LIX1L: variants seen among roughly 807,000 people sequenced by gnomAD.
The protein encoded by LIX1L is limb and CNS expressed 1 like, also known as LIX1-like protein.
Under a neutral mutation model 34.0 loss-of-function variants are expected in LIX1L, and 20 were observed. The observed-to-expected ratio is 0.59, with a 90% CI of 0.41 to 0.85. The LOEUF (loss-of-function observed/expected upper bound fraction) is 0.85, where lower values mean the gene tolerates loss of function less well. LIX1L is among the 40% of genes least tolerant of loss of function. The pLI, the probability that LIX1L is intolerant of heterozygous loss-of-function variation, is 0.00. For synonymous variants in LIX1L, 170 were observed against 187.4 expected (o/e 0.91, Z 0.76); for missense variants, 397 against 447.0 (o/e 0.89, Z 1.01).
chr1:145,947,674 G>A lies in LIX1L; in HGVS notation c.401C>T (p.Pro134Leu), dbSNP rs1032218687. ...VVYEMVPSNS[P>L]PYVCYVTLPG... ...CAGGGTGACATAGCAGACATAAGGA[G>A]GGCTGTTGGAGGGAACCATCTCATA... is the stretch of plus-strand genomic sequence containing the variant. The change falls in exon 2 of 6, where the codon CCT (proline) becomes CTT (leucine). Residue 134 changes from proline (P) to leucine (L), a missense_variant. By Grantham distance (98) the Pro-to-Leu change is moderately conservative (BLOSUM62 -3). Coordinates refer to ENST00000604000, the MANE Select transcript of LIX1L (RefSeq NM_153713.3). 2 of 1,614,122 alleles carry A rather than the reference G, an allele frequency of 1.2e-6. No individual in the cohort carries two copies. The highest frequency in any genetic ancestry group is 1.7e-6 in the Non-Finnish European group (2 of 1,180,020).
At chr1:145,939,697 A>C (rs587733916) in intron 3 of LIX1L, 4 of 135,346 alleles carry the variant, frequency 3.0e-5, no homozygotes, top group Admixed American at 2.5e-4. Context: ...GGAGTGCAGT[A>C]GTGCAATCTT....
rs12726182 is a variant in LIX1L at position 145,953,714 on chromosome 1, C to T, written c.292+3922G>A. On this transcript the variant is annotated intron_variant, in intron 1 of 5. Transcript: ENST00000604000. Reference sequence around the variant, plus strand: ...AAATGATCTGAGATGGGGAGATGACCTAGATTATATAGGTGGGCCCTAAGT... The same window carrying T: ...AAATGATCTGAGATGGGGAGATGACTTAGATTATATAGGTGGGCCCTAAGT... 6.7e-3 allele frequency among the ~76,000 whole-genome samples: 1,013 copies of T among 152,130 alleles called. 2 individuals carry two copies. The highest frequency in any genetic ancestry group is 8.4e-3 in the Non-Finnish European group (568 of 67,994).
chr1:145,941,615 G>T (rs1648920592), intron 3 of LIX1L, among the ~76,000 whole-genome samples: 1 of 152,094 alleles, frequency 6.6e-6, no homozygotes, highest in South Asian at 2.1e-4. Flanking sequence ...TAATGAATTT[G>T]TGGAGAGGAA....
rs782183210 is a variant in LIX1L, at chr1:145,936,330, T to C, written c.994A>G (p.Met332Val). 2 of 1,614,120 alleles carry C rather than the reference T, an allele frequency of 1.2e-6. No individual in the cohort carries two copies. The highest frequency in any genetic ancestry group is 1.1e-5 in the South Asian group (1 of 91,080). The change falls in exon 6 of 6, where the codon ATG becomes GTG. Residue 332 changes from methionine (M) to valine (V), a missense_variant. By Grantham distance (21) the Met-to-Val change is conservative (BLOSUM62 1). Around this residue, in one of 3 missense-constraint regions of LIX1L, gnomAD observed 174 missense variants for 204.0 expected, o/e 0.85. Transcript: ENST00000604000. ...GATGCCTAGCAGTTGGAAGAATGCATATTGCCCAACTGCCCAGCAGCCAGC... is the reference window on the plus strand; with the variant it reads ...GATGCCTAGCAGTTGGAAGAATGCACATTGCCCAACTGCCCAGCAGCCAGC... The part of the protein sequence containing the change: ...LVLAAGQLGN[M>V]HSSNC
rs932615604 is a variant in LIX1L, at chr1:145,948,839, A to G, written c.293-1057T>C. ...GATGAGGTACTACCTTCACTCAGAT[A>G]AAGAACTTGCTTGCTTCAGCTTGTT... On this transcript the variant is annotated intron_variant, in intron 1 of 5. Transcript: ENST00000604000. The surrounding 1 kb of genome is among the most constrained non-coding windows in gnomAD (Gnocchi z 4.0). The G allele has an allele frequency of 3.3e-5, 5 of 152,218 alleles. No individual in the cohort carries two copies. The highest frequency in any genetic ancestry group is 1.2e-4 in the African/African-American group (5 of 41,452). The allele number at this position is 152,218 out of a possible 1,614,324, so 9.4% of individuals were successfully genotyped here.
intron 1 of LIX1L, among the ~76,000 whole-genome samples, chr1:145,949,218 G>T (rs754623615): frequency 6.6e-6 from 1 of 152,180 alleles, no homozygotes; most frequent in African/African-American, 2.4e-5. Flanking sequence ...GAGGGAAAGA[G>T]ATATTAACCA....
intron 1 of LIX1L, among the ~76,000 whole-genome samples, chr1:145,954,563 G>C: frequency 6.6e-6 from 1 of 152,312 alleles, no homozygotes; most frequent in South Asian, 2.1e-4. Flanking sequence ...AACATAAAAG[G>C]ATAGCAATAC....
chr1:145,940,012 G>A (rs11579755), intron 3 of LIX1L: 2,646 of 151,828 alleles, frequency 0.017, 42 homozygotes, highest in Non-Finnish European at 0.031. Flanking sequence ...TGTCACCCAA[G>A]CTGGAATGCA....
chr1:145,947,872 A>G, intron 1 of LIX1L, 90 bp from the exon 2 acceptor site: 2 of 1,157,898 alleles, frequency 1.7e-6, no homozygotes, highest in Admixed American at 1.9e-5. Context: ...ACCTGTACCT[A>G]CATTAAGAGT....
At chr1:145,937,738 AC>A in intron 3 of LIX1L, 39 bp from the exon 4 acceptor site, 1 of 1,240,560 alleles carries the variant, frequency 8.1e-7, no homozygotes, top group Non-Finnish European at 1.2e-6. Context: ...TAGATTTTCA[AC>A]CAGGATTATC....
chr1:145,937,979 T>C (rs782637002), intron 3 of LIX1L, among the ~76,000 whole-genome samples: 1 of 151,978 alleles, frequency 6.6e-6, no homozygotes, highest in South Asian at 2.1e-4. Flanking sequence ...AATACAAAAA[T>C]TAGCCGGGCA....
At chr1:145,937,302 A>G in intron 4 of LIX1L, 1 of 227,796 alleles carries the variant, frequency 4.4e-6, no homozygotes, top group Non-Finnish European at 8.6e-6. Context: ...CAGCCTCCCA[A>G]GTAGCTGGGA....
At chr1:145,950,385 GTTTTTT>G (rs782020251) in intron 1 of LIX1L, 1 of 151,678 alleles carries the variant, frequency 6.6e-6, no homozygotes, top group Non-Finnish European at 1.5e-5. Context: ...TGTTGTTGTT[GTTTTTT>G]TTCTAAACAG....
At chr1:145,956,603 C>A (rs762381749) in intron 1 of LIX1L, among the ~76,000 whole-genome samples, 1 of 152,126 alleles carries the variant, frequency 6.6e-6, no homozygotes, top group Non-Finnish European at 1.5e-5. Flanking sequence ...TGTAACTTTT[C>A]TCTGTATTAT....
chr1:145,936,314 C>T lies in LIX1L; in HGVS notation c.1010G>A (p.Cys337Tyr). ...GQLGNMHSSN[C>Y] The stretch of plus-strand genomic sequence containing the variant: ...GGGAGTTATGTGGGTGGATGCCTAG[C>T]AGTTGGAAGAATGCATATTGCCCAA... Residue 337 changes from cysteine (C) to tyrosine (Y), a missense_variant, in exon 6 of 6, where the codon TGC becomes TAC. Around this residue, in one of 3 missense-constraint regions of LIX1L, gnomAD observed 174 missense variants for 204.0 expected, o/e 0.85. Coordinates refer to ENST00000604000, the MANE Select transcript of LIX1L (RefSeq NM_153713.3). 1 of 1,614,008 alleles carries T rather than the reference C, an allele frequency of 6.2e-7. No homozygotes were observed. The highest frequency in any genetic ancestry group is 8.5e-7 in the Non-Finnish European group (1 of 1,179,930).
chr1:145,946,102 TCAAAAAACAAAAAAA>T (rs1553759207), intron 2 of LIX1L, among the ~76,000 whole-genome samples: 1 of 149,110 alleles, frequency 6.7e-6, no homozygotes, highest in Non-Finnish European at 1.5e-5. Flanking sequence ...AGACTCCATC[TCAAAAAACAAAAAAA>T]CAAAAAAACA....
intron 2 of LIX1L, 186 bp downstream of exon 2, chr1:145,947,433 G>C (rs587660916): frequency 9.9e-6 from 6 of 605,106 alleles, no homozygotes; most frequent in Non-Finnish European, 1.5e-5. Context: ...TTTTTGAAAG[G>C]AAAGCATGCT....
chr1:145,957,603 G>A (rs1649522449), intron 1 of LIX1L, 33 bp downstream of exon 1: 1 of 1,472,462 alleles, frequency 6.8e-7, no homozygotes, highest in South Asian at 1.4e-5. Flanking sequence ...CTTACAGAGG[G>A]TGTCGCGCAG....
intron 2 of LIX1L, 31 bp from the exon 3 acceptor site, chr1:145,942,884 G>A: frequency 1.2e-6 from 2 of 1,610,536 alleles, no homozygotes; most frequent in East Asian, 2.2e-5. Flanking sequence ...GAGAATATGT[G>A]TATTTGTGCA....
Sources: gnomAD v4.1 joint callset for allele counts (sites outside exome capture counted in the v4.1 genomes callset) on GRCh38, gnomAD v4.1.1 for gene constraint, gnomAD v4.1.1 regional missense constraint, Gnocchi (gnomAD v3.1) non-coding constraint, MANE v1.5 for transcripts, NCBI Gene and HGNC (gene_info 2026-07-23, HGNC 2026-07-21) for gene names.